The following PEPD variants were observed in gnomAD, a reference collection of about 807,000 sequenced individuals.
PEPD encodes peptidase D.
Under a neutral mutation model 60.7 loss-of-function variants are expected in PEPD, and 53 were observed. That is an observed-to-expected ratio of 0.87 (90% CI 0.70 to 1.10). PEPD has a LOEUF of 1.10. Ranked by LOEUF, PEPD falls within the 50% of genes least tolerant of loss-of-function variation. PEPD has a pLI of 0.00. For synonymous variants in PEPD, 267 were observed against 284.1 expected (o/e 0.94, Z 0.60); for missense variants, 711 against 711.9 (o/e 1.00, Z 0.01).
chr19:33,398,910 C>G (rs930593944), intron 12 of PEPD, among the ~76,000 whole-genome samples: 1 of 152,226 alleles, frequency 6.6e-6, no homozygotes, highest in Non-Finnish European at 1.5e-5. Context: ...TGGCCATACC[C>G]TCTGGCGCTC....
chr19:33,511,124 G>C lies in PEPD; in HGVS notation c.233C>G (p.Thr78Ser), dbSNP rs186203899. 2 of 1,614,058 alleles carry C rather than the reference G, an allele frequency of 1.2e-6. No homozygotes were observed. Among genetic ancestry groups the C allele is most frequent in the Admixed American group, 3.3e-5 (2 of 60,034 alleles). The change falls in exon 3 of 15, where the codon ACT becomes AGT. Residue 78 changes from threonine (T) to serine (S), a missense_variant. By Grantham distance (58) the Thr-to-Ser change is moderately conservative. Coordinates refer to ENST00000244137, the MANE Select transcript of PEPD (RefSeq NM_000285.4). ...ESFFHWAFGV[T>S]EPGCYGVIDV... ...GATGACACCATAGCAGCCTGGCTCA[G>C]TGACACCGAACGCCCAGTGAAAGAA...
intron 6 of PEPD, among the ~76,000 whole-genome samples, chr19:33,484,951 C>T (rs116991478): frequency 0.04 from 6,076 of 152,238 alleles, 310 homozygotes; most frequent in Admixed American, 0.16. Context: ...AAAGTATCAA[C>T]GAAATCCCAC....
intron 6 of PEPD, 123 bp downstream of exon 6, chr19:33,489,873 G>A: frequency 1.5e-6 from 1 of 665,376 alleles, no homozygotes; most frequent in East Asian, 2.8e-5. Flanking sequence ...TCCTCAAAAT[G>A]CCCAAACTCC....
At chr19:33,505,280 C>T (rs1970778125) in intron 3 of PEPD, among the ~76,000 whole-genome samples, 2 of 152,178 alleles carry the variant, frequency 1.3e-5, no homozygotes, top group African/African-American at 4.8e-5. Flanking sequence ...GCGGCATTTG[C>T]TCTGCGGTGG....
At chr19:33,435,288 C>T (rs537613713) in intron 9 of PEPD, among the ~76,000 whole-genome samples, 7 of 152,112 alleles carry the variant, frequency 4.6e-5, no homozygotes, top group East Asian at 1.9e-4. Context: ...TCAGCTGGGA[C>T]GCAACCTGAG....
chr19:33,401,460 C>T (rs559452554), intron 12 of PEPD, among the ~76,000 whole-genome samples: 17 of 152,272 alleles, frequency 1.1e-4, no homozygotes, highest in African/African-American at 3.8e-4. Context: ...AGTGGAGATG[C>T]GCAGGTGGAG....
At position 33,477,918 on chromosome 19, in the gene PEPD, T is replaced by C. The variant is rs146640389; in HGVS notation, c.548+128A>G. On this transcript the variant is annotated intron_variant, in intron 7 of 14. Coordinates refer to ENST00000244137, the MANE Select transcript of PEPD (RefSeq NM_000285.4). ...AGAACAAGCAAAACAGAAAAGGCTA[T>C]GGGAGAAGGTTCTGGGAATCTGCTT... 399 of 736,190 alleles carry C rather than the reference T, an allele frequency of 5.4e-4. No individual in the cohort carries two copies. The African/African-American group carries it at 6.4e-3, about 12-fold the overall frequency. 45.6% of individuals were successfully genotyped at this position (736,190 alleles called of 1,614,324 possible).
intron 11 of PEPD, among the ~76,000 whole-genome samples, chr19:33,406,014 C>G (rs771494563): frequency 6.6e-6 from 1 of 152,210 alleles, no homozygotes; most frequent in Non-Finnish European, 1.5e-5. Flanking sequence ...GACAGAGGCA[C>G]GGCACCAGTG....
At chr19:33,397,213 C>G (rs1968386420) in intron 12 of PEPD, among the ~76,000 whole-genome samples, 1 of 152,226 alleles carries the variant, frequency 6.6e-6, no homozygotes, top group South Asian at 2.1e-4. Context: ...TGCTCCCCCA[C>G]CAGCCCTAGG....
At chr19:33,416,941 C>A (rs1968902920) in intron 9 of PEPD, among the ~76,000 whole-genome samples, 1 of 152,228 alleles carries the variant, frequency 6.6e-6, no homozygotes, top group Admixed American at 6.5e-5. Context: ...AGACCCAGAT[C>A]TGCAGGAATG....
chr19:33,501,231 C>T (rs993019956), intron 3 of PEPD, among the ~76,000 whole-genome samples: 47 of 152,274 alleles, frequency 3.1e-4, no homozygotes, highest in African/African-American at 1.1e-3. Flanking sequence ...CCTCAGCAAG[C>T]CCCGCTCCTC....
At chr19:33,393,034 C>T (rs2145330583) in intron 12 of PEPD, among the ~76,000 whole-genome samples, 1 of 152,258 alleles carries the variant, frequency 6.6e-6, no homozygotes, top group East Asian at 1.9e-4. Flanking sequence ...GCCACGGCAG[C>T]AGCCTAAGGG....
intron 6 of PEPD, among the ~76,000 whole-genome samples, chr19:33,489,783 T>C (rs1051816256): frequency 6.6e-6 from 1 of 152,054 alleles, no homozygotes; most frequent in Non-Finnish European, 1.5e-5. Flanking sequence ...AGCACTTTCC[T>C]TATGGAGCAA....
At chr19:33,508,810 G>A (rs193128676) in intron 3 of PEPD, among the ~76,000 whole-genome samples, 50 of 152,358 alleles carry the variant, frequency 3.3e-4, no homozygotes, top group African/African-American at 1.2e-3. Context: ...GTCACCTGCA[G>A]ACAGCGAGTG....
intron 7 of PEPD, among the ~76,000 whole-genome samples, chr19:33,476,296 C>T (rs79811152): frequency 0.08 from 12,229 of 152,194 alleles, 696 homozygotes; most frequent in Admixed American, 0.17. Context: ...CGCCTGTCAT[C>T]GGCCCTCAGT....
intron 6 of PEPD, among the ~76,000 whole-genome samples, chr19:33,479,966 G>A (rs1200156694): frequency 2.6e-5 from 4 of 152,150 alleles, no homozygotes; most frequent in African/African-American, 9.7e-5. Flanking sequence ...TGGTATTTCT[G>A]TTTTTAGGTC....
chr19:33,482,260 T>C (rs1970325104), intron 6 of PEPD, among the ~76,000 whole-genome samples: 1 of 152,180 alleles, frequency 6.6e-6, no homozygotes, highest in African/African-American at 2.4e-5. Context: ...TGGGATTTTT[T>C]CCCAGGAATA....
At chr19:33,499,544 A>G (rs1047396626) in intron 4 of PEPD, among the ~76,000 whole-genome samples, 5 of 152,008 alleles carry the variant, frequency 3.3e-5, no homozygotes, top group African/African-American at 1.2e-4. Flanking sequence ...GTCTGGGGAA[A>G]AAGAACTGGA....
intron 12 of PEPD, among the ~76,000 whole-genome samples, chr19:33,400,604 G>A (rs569789873): frequency 6.6e-6 from 1 of 152,214 alleles, no homozygotes. Context: ...TGCCTGTAGA[G>A]GGCCAGGCCT....
Sources: gnomAD v4.1 joint callset for allele counts (sites outside exome capture counted in the v4.1 genomes callset) on GRCh38, gnomAD v4.1.1 for gene constraint, MANE v1.5 for transcripts, NCBI Gene and HGNC (gene_info 2026-07-23, HGNC 2026-07-21) for gene names.